Variants in PRKCA observed in about 807,000 individuals in gnomAD.
The protein encoded by PRKCA is protein kinase C alpha, also known as protein kinase C alpha type.
A neutral mutation model predicts 87.0 loss-of-function variants in PRKCA; 27 were observed. The observed-to-expected ratio is 0.31, with a 90% CI of 0.23 to 0.43. The LOEUF is 0.43. PRKCA is among the 20% of genes least tolerant of loss of function. The pLI is 1.00. For synonymous variants in PRKCA, 329 were observed against 311.1 expected (o/e 1.06, Z -0.61); for missense variants, 518 against 852.3 (o/e 0.61, Z 4.88).
At chr17:66,589,285 A>G (rs1969721420) in intron 3 of PRKCA, among the ~76,000 whole-genome samples, 1 of 152,164 alleles carries the variant, frequency 6.6e-6, no homozygotes, top group Admixed American at 6.5e-5. Context: ...CCTGAAATAT[A>G]TCCTGTTAAA....
chr17:66,360,616 A>C (rs1211093437), intron 2 of PRKCA, among the ~76,000 whole-genome samples: 1 of 152,136 alleles, frequency 6.6e-6, no homozygotes, highest in Admixed American at 6.5e-5. Context: ...GAGGAAGGAC[A>C]AGCTCTTCGA....
intron 15 of PRKCA, among the ~76,000 whole-genome samples, chr17:66,788,357 G>GT (rs1975451344): frequency 2.6e-5 from 4 of 152,098 alleles, no homozygotes; most frequent in African/African-American, 9.7e-5. Context: ...CCTTGTTATA[G>GT]CATTTATTTT....
At chr17:66,787,682 A>G (rs1568034709) in intron 15 of PRKCA, among the ~76,000 whole-genome samples, 1 of 152,160 alleles carries the variant, frequency 6.6e-6, no homozygotes, top group Non-Finnish European at 1.5e-5. Flanking sequence ...CCACCCTGGA[A>G]GCCCTCTCCT....
At chr17:66,639,147 C>G (rs375126570) in intron 3 of PRKCA, 2 of 152,282 alleles carry the variant, frequency 1.3e-5, no homozygotes, top group East Asian at 3.8e-4. Flanking sequence ...TGGATGGCCA[C>G]TCTGCCTTTG....
In PRKCA at chr17:66,786,963, G is replaced by A. The variant is rs6504459; in HGVS notation, c.1702G>A (p.Val568Ile). 0.97 allele frequency: 1,568,455 copies of A among 1,609,536 alleles called. 764,302 individuals carry two copies. The highest frequency in any genetic ancestry group is 1 in the East Asian group (44,877 of 44,880). Reference sequence around the variant, plus strand: ...ATCCTTGTCCAAGGAGGCTGTTTCTGTCTGCAAAGGAGTAAGTCGATTTGG... The same window carrying A: ...ATCCTTGTCCAAGGAGGCTGTTTCTATCTGCAAAGGAGTAAGTCGATTTGG... ...PKSLSKEAVSVCKGLMTKHPA... is the reference protein window; with the variant it reads ...PKSLSKEAVSICKGLMTKHPA... Residue 568 changes from valine (V) to isoleucine (I), a missense_variant, in exon 15 of 17, where the codon GTC becomes ATC. Val to Ile is a conservative substitution (Grantham distance 29, BLOSUM62 3). This residue lies in a region of PRKCA where 159 missense variants were observed against 232.4 expected (regional missense o/e 0.68). Coordinates refer to ENST00000413366, the MANE Select transcript of PRKCA (RefSeq NM_002737.3).
intron 3 of PRKCA, among the ~76,000 whole-genome samples, chr17:66,570,047 G>A (rs1348245614): frequency 2.0e-5 from 3 of 152,158 alleles, no homozygotes; most frequent in Non-Finnish European, 4.4e-5. Flanking sequence ...CTATCATGGG[G>A]TACTGTGCAG....
intron 5 of PRKCA, among the ~76,000 whole-genome samples, chr17:66,675,063 G>C (rs1244201306): frequency 6.6e-6 from 1 of 152,200 alleles, no homozygotes; most frequent in Non-Finnish European, 1.5e-5. Flanking sequence ...ACTTCTCCCA[G>C]CTCCAAAACT....
intron 3 of PRKCA, among the ~76,000 whole-genome samples, chr17:66,504,052 C>A (rs1423932250): frequency 6.6e-6 from 1 of 152,134 alleles, no homozygotes; most frequent in Non-Finnish European, 1.5e-5. Context: ...CCTGCCAGGC[C>A]ACATTACTGA....
Position 66,592,861 on chromosome 17 carries a change from C to A in PRKCA, c.289-48494C>A, listed in dbSNP as rs371131982. Among the ~76,000 whole-genome samples the A allele has an allele frequency of 7.3e-4, 111 of 152,332 alleles. 1 individual carries two copies. Among genetic ancestry groups the A allele is most frequent in the African/African-American group, 2.6e-3 (109 of 41,578 alleles). ...AGGCTGGAGTGCAGTGGCGCAATCT[C>A]GGCTCACTGCAACTTCCATCTCCTG... On this transcript the variant is annotated intron_variant, in intron 3 of 16. Coordinates refer to ENST00000413366, the MANE Select transcript of PRKCA (RefSeq NM_002737.3).
intron 3 of PRKCA, among the ~76,000 whole-genome samples, chr17:66,515,508 A>G (rs1966938502): frequency 6.6e-6 from 1 of 152,146 alleles, no homozygotes; most frequent in Non-Finnish European, 1.5e-5. Context: ...GATGACAGAA[A>G]AAGGAGACAA....
At position 66,355,340 on chromosome 17, in the gene PRKCA, G is replaced by A. The variant is rs573750646; in HGVS notation, c.205+49213G>A. 2.7e-4 allele frequency among the ~76,000 whole-genome samples: 41 copies of A among 152,228 alleles called. No homozygotes were observed. In the South Asian group the frequency reaches 8.1e-3, roughly 30 times the overall value. Reference sequence around the variant, plus strand: ...GGTGGTGAGGCTCCTTCCTCTCCTTGCCTGGAGACTTAACCTGTACATTTC... The same window carrying A: ...GGTGGTGAGGCTCCTTCCTCTCCTTACCTGGAGACTTAACCTGTACATTTC... On this transcript the variant is annotated intron_variant, in intron 2 of 16. Coordinates refer to ENST00000413366, the MANE Select transcript of PRKCA (RefSeq NM_002737.3).
At chr17:66,676,621 G>A (rs930335101) in intron 5 of PRKCA, 16 of 152,416 alleles carry the variant, frequency 1.0e-4, no homozygotes, top group African/African-American at 3.9e-4. Context: ...TAAGGTGTGG[G>A]ACCGGCCGGG....
intron 3 of PRKCA, among the ~76,000 whole-genome samples, chr17:66,534,957 C>A (rs1046890977): frequency 2.0e-5 from 3 of 152,244 alleles, no homozygotes; most frequent in South Asian, 2.1e-4. Flanking sequence ...TGCTTTGTTA[C>A]AATTATTTAC....
chr17:66,489,573 G>T (rs1186046415), intron 2 of PRKCA, among the ~76,000 whole-genome samples: 1 of 151,656 alleles, frequency 6.6e-6, no homozygotes, highest in African/African-American at 2.4e-5. Context: ...CGAGCAGGGA[G>T]GGTGCAAGGA....
At chr17:66,553,692 G>A (rs1265655408) in intron 3 of PRKCA, among the ~76,000 whole-genome samples, 1 of 152,230 alleles carries the variant, frequency 6.6e-6, no homozygotes, top group Non-Finnish European at 1.5e-5. Context: ...TGAAGGAGCT[G>A]CTGGTGAGGA....
intron 11 of PRKCA, among the ~76,000 whole-genome samples, chr17:66,739,956 C>A (rs1598909303): frequency 6.6e-6 from 1 of 151,808 alleles, no homozygotes; most frequent in African/African-American, 2.4e-5. Context: ...CTGGTGAGAC[C>A]CTTTATAGAT....
intron 3 of PRKCA, among the ~76,000 whole-genome samples, chr17:66,552,057 G>A (rs143732203): frequency 1.8e-3 from 268 of 152,278 alleles, no homozygotes; most frequent in African/African-American, 6.2e-3. Context: ...CAGCACTTGT[G>A]GAGGCCAAGG....
At chr17:66,557,832 G>A (rs1305174409) in intron 3 of PRKCA, among the ~76,000 whole-genome samples, 2 of 152,150 alleles carry the variant, frequency 1.3e-5, no homozygotes, top group African/African-American at 2.4e-5. Context: ...CTGTGAGGGG[G>A]TGTTAGCCAG....
chr17:66,336,321 G>A (rs972959122), intron 2 of PRKCA, among the ~76,000 whole-genome samples: 1 of 152,202 alleles, frequency 6.6e-6, no homozygotes, highest in African/African-American at 2.4e-5. Flanking sequence ...GTTGAAGTAT[G>A]CTTGACATGC....
Sources: allele counts gnomAD v4.1 joint callset (sites outside exome capture counted in the v4.1 genomes callset), GRCh38; gene constraint gnomAD v4.1.1; regional missense constraint gnomAD v4.1.1; transcripts MANE v1.5; gene names NCBI Gene and HGNC (gene_info 2026-07-23, HGNC 2026-07-21).